The following GALNTL6 variants were observed in gnomAD, a reference collection of about 807,000 sequenced individuals.
GALNTL6 encodes polypeptide N-acetylgalactosaminyltransferase-like 6.
In GALNTL6, 46 loss-of-function variants were observed where a neutral mutation model predicts 73.7. That is an observed-to-expected ratio of 0.62 (90% CI 0.49 to 0.80). GALNTL6 has a LOEUF of 0.80. Among genes scored for constraint, GALNTL6 ranks in the 30% least tolerant of loss-of-function variants. The pLI is 0.00. For missense variants in GALNTL6, 604 were observed against 755.0 expected, an observed-to-expected ratio of 0.80 and a Z score of 2.34; for synonymous variants, 259 against 263.7, an observed-to-expected ratio of 0.98 and a Z score of 0.17.
intron 2 of GALNTL6, among the ~76,000 whole-genome samples, chr4:172,034,248 T>C (rs560713271): frequency 1.3e-5 from 2 of 152,114 alleles, no homozygotes; most frequent in South Asian, 2.1e-4. Context: ...CGCCCTCTAC[T>C]GTCTGGGCTG....
chr4:171,923,336 C>T (rs553906677), intron 2 of GALNTL6, among the ~76,000 whole-genome samples: 45 of 151,164 alleles, frequency 3.0e-4, no homozygotes, highest in South Asian at 1.0e-3. Flanking sequence ...TGACTATAGA[C>T]GAGGCTGAGT....
chr4:172,210,557 T>C (rs767710785), intron 2 of GALNTL6, among the ~76,000 whole-genome samples: 1 of 152,122 alleles, frequency 6.6e-6, no homozygotes, highest in Non-Finnish European at 1.5e-5. Flanking sequence ...GATGGGATTA[T>C]GTGTTTGGGA....
At chr4:171,896,096 G>T (rs1267897820) in intron 2 of GALNTL6, among the ~76,000 whole-genome samples, 1 of 152,094 alleles carries the variant, frequency 6.6e-6, no homozygotes, top group Non-Finnish European at 1.5e-5. Flanking sequence ...CAGGGAAAAA[G>T]AGGGAAAGGC....
intron 3 of GALNTL6, among the ~76,000 whole-genome samples, chr4:172,245,995 G>A (rs933026627): frequency 2.0e-5 from 3 of 152,064 alleles, no homozygotes; most frequent in African/African-American, 7.2e-5. Flanking sequence ...CCTCTGGAAA[G>A]CTAGAAACTC....
chr4:172,136,244 AT>A (rs998013436), intron 2 of GALNTL6, among the ~76,000 whole-genome samples: 1 of 152,110 alleles, frequency 6.6e-6, no homozygotes, highest in Non-Finnish European at 1.5e-5. Context: ...ACTATTTGAT[AT>A]TTCAGACTGG....
At position 172,190,634 on chromosome 4, in the gene GALNTL6, G is replaced by A. The variant is rs1242443335; in HGVS notation, c.139-39022G>A. 2.0e-5 allele frequency among the ~76,000 whole-genome samples: 3 copies of A among 152,330 alleles called. No homozygotes were observed. In the South Asian group the frequency reaches 6.2e-4, roughly 32 times the overall value. ...GCTAAGCCTGAGAGGCATGGAGGGA[G>A]AGAGGTCTATAGAAGGATATTAGAA... On this transcript the variant is annotated intron_variant, in intron 2 of 12. Transcript: ENST00000506823.
chr4:172,175,990 A>G (rs1260330853), intron 2 of GALNTL6, among the ~76,000 whole-genome samples: 1 of 152,176 alleles, frequency 6.6e-6, no homozygotes, highest in Non-Finnish European at 1.5e-5. Flanking sequence ...TAAAAATAGC[A>G]ACTATGAAAC....
At chr4:172,498,279 C>T (rs147087432) in intron 5 of GALNTL6, among the ~76,000 whole-genome samples, 17 of 152,150 alleles carry the variant, frequency 1.1e-4, no homozygotes, top group Non-Finnish European at 2.2e-4. Flanking sequence ...TGAGCCACCG[C>T]ACCCAGCTGA....
At chr4:172,008,740 A>G (rs1024165650) in intron 2 of GALNTL6, among the ~76,000 whole-genome samples, 24 of 151,628 alleles carry the variant, frequency 1.6e-4, no homozygotes, top group African/African-American at 5.6e-4. Flanking sequence ...CAGGCTTTAG[A>G]CTCCTCCTAG....
chr4:172,645,104 T>C (rs999510195), intron 5 of GALNTL6, among the ~76,000 whole-genome samples: 1 of 152,042 alleles, frequency 6.6e-6, no homozygotes, highest in African/African-American at 2.4e-5. Flanking sequence ...AGTCCAGTCC[T>C]TTGTTGGATT....
intron 5 of GALNTL6, among the ~76,000 whole-genome samples, chr4:172,575,274 A>C (rs981025886): frequency 8.5e-5 from 13 of 152,184 alleles, no homozygotes; most frequent in African/African-American, 2.9e-4. Flanking sequence ...AATTTTCCTT[A>C]CTGCAAACAT....
At chr4:171,838,072 T>C (rs191930032) in intron 2 of GALNTL6, among the ~76,000 whole-genome samples, 16 of 151,984 alleles carry the variant, frequency 1.1e-4, no homozygotes, top group African/African-American at 3.9e-4. Context: ...ATTTGCTTTA[T>C]TGTGGGTTTA....
intron 5 of GALNTL6, among the ~76,000 whole-genome samples, chr4:172,694,510 G>A (rs991005515): frequency 6.6e-6 from 1 of 152,168 alleles, no homozygotes; most frequent in Admixed American, 6.5e-5. Context: ...ATTCCGTGGT[G>A]TATATATGCC....
intron 5 of GALNTL6, among the ~76,000 whole-genome samples, chr4:172,457,554 A>AT (rs1207146006): frequency 1.3e-5 from 2 of 152,082 alleles, no homozygotes; most frequent in African/African-American, 2.4e-5. Flanking sequence ...ACAAGCAGGG[A>AT]TTGCAATCCT....
chr4:172,618,254 C>A (rs1004026678), intron 5 of GALNTL6, among the ~76,000 whole-genome samples: 2 of 152,088 alleles, frequency 1.3e-5, no homozygotes, highest in African/African-American at 2.4e-5. Context: ...GAGCTGAAAG[C>A]AATCTCCTTC....
chr4:172,094,017 T>C (rs936645507), intron 2 of GALNTL6, among the ~76,000 whole-genome samples: 4 of 152,186 alleles, frequency 2.6e-5, no homozygotes, highest in South Asian at 4.1e-4. Context: ...AAAAATTGTC[T>C]TCCACAAAAC....
intron 10 of GALNTL6, among the ~76,000 whole-genome samples, chr4:172,982,171 C>T (rs1034298644): frequency 2.6e-5 from 4 of 152,198 alleles, no homozygotes; most frequent in Middle Eastern, 3.2e-3. Context: ...TCTTCAATTT[C>T]TTTCTGCATG....
intron 5 of GALNTL6, among the ~76,000 whole-genome samples, chr4:172,608,955 TA>T (rs1463243164): frequency 6.6e-6 from 1 of 152,034 alleles, no homozygotes; most frequent in Non-Finnish European, 1.5e-5. Flanking sequence ...GAAATGCTAC[TA>T]ATTTTTGTAT....
At position 171,923,397 on chromosome 4, in the gene GALNTL6, T is replaced by TG. The variant is rs1327849987; in HGVS notation, c.138+108680dup. Among the ~76,000 whole-genome samples, 29 of 106,650 alleles carry TG rather than the reference T, an allele frequency of 2.7e-4. 1 individual carries two copies. The highest frequency in any genetic ancestry group is 1.6e-3 in the Admixed American group (19 of 12,064). The allele number at this position is 106,650 out of a possible 152,430, so 70.0% of individuals were successfully genotyped here. On this transcript the variant is annotated intron_variant, in intron 2 of 12. Transcript: ENST00000506823. ...GCTGGATTTCTGTTGACCCTGACTTTGTTTTTTTTTTTTTTTTTGAGACGG... is the reference window on the plus strand; with the variant it reads ...GCTGGATTTCTGTTGACCCTGACTTTGGTTTTTTTTTTTTTTTTTGAGACGG...
Sources: gnomAD v4.1 joint callset for allele counts (sites outside exome capture counted in the v4.1 genomes callset) on GRCh38, gnomAD v4.1.1 for gene constraint, MANE v1.5 for transcripts, NCBI Gene and HGNC (gene_info 2026-07-23, HGNC 2026-07-21) for gene names.